The following ITIH5 variants were observed in gnomAD, a reference collection of about 807,000 sequenced individuals.
ITIH5 encodes inter-alpha-trypsin inhibitor heavy chain H5.
In ITIH5, 65 loss-of-function variants were observed where a neutral mutation model predicts 77.5. The ratio of observed to expected loss-of-function variants is 0.84; its 90% CI spans 0.69 to 1.03. ITIH5 has a LOEUF of 1.03. Ranked by LOEUF, ITIH5 falls within the 50% of genes least tolerant of loss-of-function variation. ITIH5 has a pLI of 0.00. For missense variants in ITIH5, 1,208 were observed against 1,213.1 expected (o/e 1.00, Z 0.06); for synonymous variants, 525 against 494.3 (o/e 1.06, Z -0.82).
intron 9 of ITIH5, among the ~76,000 whole-genome samples, chr10:7,577,642 C>T (rs10905190): frequency 0.28 from 43,361 of 152,158 alleles, 7,390 homozygotes; most frequent in East Asian, 0.61. Context: ...CATTTGCTTT[C>T]CTTGTAGTTA....
intron 1 of ITIH5, among the ~76,000 whole-genome samples, chr10:7,660,003 A>G (rs575326075): frequency 1.3e-5 from 2 of 152,198 alleles, no homozygotes; most frequent in Non-Finnish European, 2.9e-5. Context: ...ATAAATAGCC[A>G]TCTTAGAGCT....
At chr10:7,643,390 T>C (rs1173895545) in intron 2 of ITIH5, among the ~76,000 whole-genome samples, 4 of 152,182 alleles carry the variant, frequency 2.6e-5, no homozygotes, top group Non-Finnish European at 4.4e-5. Flanking sequence ...ATTTCATAGA[T>C]GGAGGGAAGT....
chr10:7,618,262 C>G (rs922391648), intron 5 of ITIH5: 1 of 151,726 alleles, frequency 6.6e-6, no homozygotes, highest in African/African-American at 2.4e-5. Context: ...AGCCACCATG[C>G]CCGGCTTACG....
intron 7 of ITIH5, among the ~76,000 whole-genome samples, chr10:7,604,177 G>T (rs1451863978): frequency 6.6e-6 from 1 of 152,178 alleles, no homozygotes; most frequent in African/African-American, 2.4e-5. Flanking sequence ...TGGGTCCCAT[G>T]GTTATAAGGG....
intron 8 of ITIH5, among the ~76,000 whole-genome samples, chr10:7,582,943 T>C (rs908717690): frequency 1.1e-4 from 17 of 152,108 alleles, no homozygotes; most frequent in African/African-American, 4.1e-4. Context: ...AACAGGGTGA[T>C]TATATTCAAT....
At chr10:7,611,775 C>T (rs965485099) in intron 7 of ITIH5, among the ~76,000 whole-genome samples, 1 of 151,964 alleles carries the variant, frequency 6.6e-6, no homozygotes, top group African/African-American at 2.4e-5. Context: ...TTGTTTACAA[C>T]AAAAATTTAA....
chr10:7,608,394 CT>C (rs1318541566), intron 7 of ITIH5, among the ~76,000 whole-genome samples: 1 of 152,212 alleles, frequency 6.6e-6, no homozygotes, highest in Non-Finnish European at 1.5e-5. Context: ...ATCCTCCTAC[CT>C]CAGCCTCCTA....
At chr10:7,636,737 A>G (rs1833803279) in intron 5 of ITIH5, among the ~76,000 whole-genome samples, 1 of 152,024 alleles carries the variant, frequency 6.6e-6, no homozygotes, top group Non-Finnish European at 1.5e-5. Flanking sequence ...CTGTTACAGC[A>G]TGGGCTGTAT....
chr10:7,644,849 T>A lies in ITIH5; in HGVS notation c.136-2759A>T, dbSNP rs1438467847. Among the ~76,000 whole-genome samples the A allele has an allele frequency of 2.2e-5, 3 of 135,700 alleles. No homozygotes were observed. In the East Asian group the frequency reaches 6.4e-4, roughly 29 times the overall value. The allele number at this position is 135,700 out of a possible 152,430, so 89.0% of individuals were successfully genotyped here. ...ATATCACATATATATCACATATATA[T>A]CACATATGTATCACATATATATCAC... is the stretch of plus-strand genomic sequence containing the variant. On this transcript the variant is annotated intron_variant, in intron 2 of 13. Transcript: ENST00000397146.
chr10:7,585,873 C>A, intron 8 of ITIH5, 28 bp downstream of exon 8: 1 of 1,545,916 alleles, frequency 6.5e-7, no homozygotes, highest in Non-Finnish European at 8.7e-7. Context: ...AAAGCCAAGC[C>A]AATGTGAAAA....
At position 7,562,906 on chromosome 10, in the gene ITIH5, C is replaced by A; in HGVS notation, c.*177G>T. ...GACATTTGCACTCAGGCTTCCCGCC[C>A]CTACCCACCCCTACCCTTCGCCCAG... On this transcript the variant is annotated 3_prime_UTR_variant, in exon 14 of 14. Coordinates refer to ENST00000397146, the MANE Select transcript of ITIH5 (RefSeq NM_030569.7). 1.9e-6 allele frequency: 1 copy of A among 520,246 alleles called. No homozygotes were observed. Among genetic ancestry groups the A allele is most frequent in the Non-Finnish European group, 3.6e-6 (1 of 276,730 alleles). The allele number at this position is 520,246 out of a possible 1,614,324, so 32.2% of individuals were successfully genotyped here.
chr10:7,650,384 G>A (rs1259280585), intron 2 of ITIH5, among the ~76,000 whole-genome samples: 1 of 152,194 alleles, frequency 6.6e-6, no homozygotes, highest in Non-Finnish European at 1.5e-5. Context: ...GAGCGTGGCA[G>A]TTGGCTGACT....
intron 7 of ITIH5, among the ~76,000 whole-genome samples, chr10:7,604,819 AGATT>A (rs1833089313): frequency 1.2e-5 from 1 of 84,456 alleles, no homozygotes; most frequent in African/African-American, 4.4e-5. Flanking sequence ...GAATAATGTA[AGATT>A]GTTTCATTTT....
At chr10:7,634,035 G>A (rs1267313474) in intron 5 of ITIH5, among the ~76,000 whole-genome samples, 3 of 137,884 alleles carry the variant, frequency 2.2e-5, no homozygotes, top group Non-Finnish European at 3.0e-5. Flanking sequence ...CTTGCAGTGA[G>A]CCGAGATCGC....
At chr10:7,665,531 TG>T (rs1464399880) in intron 1 of ITIH5, among the ~76,000 whole-genome samples, 1 of 152,212 alleles carries the variant, frequency 6.6e-6, no homozygotes. Flanking sequence ...AGCTGATAAG[TG>T]ACAGAATCAA....
intron 7 of ITIH5, among the ~76,000 whole-genome samples, chr10:7,608,214 C>A (rs1004752806): frequency 1.3e-5 from 2 of 152,218 alleles, no homozygotes; most frequent in African/African-American, 4.8e-5. Context: ...GGTCCCGCAG[C>A]TCATGCTGAG....
chr10:7,613,245 CAAAAAA>C (rs58021308), intron 7 of ITIH5, among the ~76,000 whole-genome samples: 5 of 143,612 alleles, frequency 3.5e-5, no homozygotes, highest in African/African-American at 1.4e-4. Flanking sequence ...GACTTCGTCT[CAAAAAA>C]AAAAAAAAAA....
Position 7,565,947 on chromosome 10 carries a change from G to A in ITIH5, c.2527+83C>T, listed in dbSNP as rs188759024. Reference sequence around the variant, plus strand: ...TTCCTATTGAATTTCTCAATCAAACGAAAGGTGTTGGCAATATCAGCTTTG... The same window carrying A: ...TTCCTATTGAATTTCTCAATCAAACAAAAGGTGTTGGCAATATCAGCTTTG... On this transcript the variant is annotated intron_variant, in intron 13 of 13. Transcript: ENST00000397146. The A allele has an allele frequency of 8.3e-4, 1,255 of 1,515,268 alleles. 13 individuals are homozygous for A. In the African/African-American group the frequency reaches 0.015, roughly 18 times the overall value. 93.9% of individuals were successfully genotyped at this position (1,515,268 alleles called of 1,614,324 possible).
chr10:7,644,288 T>TATATATCATACATATCA (rs1833934828), intron 2 of ITIH5, among the ~76,000 whole-genome samples: 1 of 147,918 alleles, frequency 6.8e-6, no homozygotes, highest in African/African-American at 2.5e-5. Context: ...TGTATATATA[T>TATATATCATACATATCA]CATATATATC....
Sources: allele counts gnomAD v4.1 joint callset (sites outside exome capture counted in the v4.1 genomes callset), GRCh38; gene constraint gnomAD v4.1.1; transcripts MANE v1.5; gene names NCBI Gene and HGNC (gene_info 2026-07-23, HGNC 2026-07-21).